UBE2U: variants seen among roughly 807,000 people sequenced by gnomAD.
UBE2U encodes the protein ubiquitin conjugating enzyme E2 U.
UBE2U carries 39 observed loss-of-function variants against 41.2 expected under a neutral mutation model. The ratio of observed to expected loss-of-function variants is 0.95; its 90% CI spans 0.73 to 1.24. The LOEUF (loss-of-function observed/expected upper bound fraction) is 1.24. UBE2U is among the 50% of genes most tolerant of loss of function. UBE2U has a pLI of 0.00. For synonymous variants in UBE2U, 107 were observed against 117.8 expected, an observed-to-expected ratio of 0.91 and a Z score of 0.60; for missense variants, 336 against 363.1, an observed-to-expected ratio of 0.93 and a Z score of 0.61.
At chr1:64,233,207 G>C (rs945726382) in intron 7 of UBE2U, among the ~76,000 whole-genome samples, 5 of 151,858 alleles carry the variant, frequency 3.3e-5, no homozygotes, top group Non-Finnish European at 7.4e-5. Flanking sequence ...CGGGGTTTCA[G>C]TGTGTTAGCC....
At position 64,226,905 on chromosome 1, in the gene UBE2U, G is replaced by A. The variant is rs547966215; in HGVS notation, c.507-5656G>A. On this transcript the variant is annotated intron_variant, in intron 6 of 9. Coordinates refer to ENST00000371077, the MANE Select transcript of UBE2U (RefSeq NM_001366232.2). ...CATAAACTCTAATCAAAATATTACCGAATTGAATCCACATTGGGATAACAA... is the reference window on the plus strand; with the variant it reads ...CATAAACTCTAATCAAAATATTACCAAATTGAATCCACATTGGGATAACAA... 3.9e-5 allele frequency among the ~76,000 whole-genome samples: 6 copies of A among 152,116 alleles called. 1 individual carries two copies. Among genetic ancestry groups the A allele is most frequent in the African/African-American group, 1.2e-4 (5 of 41,506 alleles).
intron 7 of UBE2U, among the ~76,000 whole-genome samples, chr1:64,240,373 A>T (rs936700953): frequency 1.3e-5 from 2 of 152,224 alleles, no homozygotes; most frequent in Non-Finnish European, 2.9e-5. Flanking sequence ...GTGAGCTATT[A>T]GAGGGCTCTC....
chr1:64,260,196 G>A (rs1418504903), intron 8 of UBE2U, among the ~76,000 whole-genome samples: 1 of 152,104 alleles, frequency 6.6e-6, no homozygotes, highest in Non-Finnish European at 1.5e-5. Context: ...AGGCCCTGCT[G>A]CCACCTTGAT....
Position 64,240,306 on chromosome 1 carries a change from G to T in UBE2U, c.596-1346G>T, listed in dbSNP as rs185138875. On this transcript the variant is annotated intron_variant, in intron 7 of 9. Transcript: ENST00000371077. ...GTTTATCACCAGGGCATTAAGGATG[G>T]TTAAGTTTCTAGAAAATCATATCCT... Among the ~76,000 whole-genome samples, 32 of 152,262 alleles carry T rather than the reference G, an allele frequency of 2.1e-4. No homozygotes were observed. In the East Asian group the frequency reaches 5.4e-3, roughly 26 times the overall value.
chr1:64,262,467 T>C (rs1645192855), intron 9 of UBE2U, among the ~76,000 whole-genome samples: 1 of 152,126 alleles, frequency 6.6e-6, no homozygotes, highest in South Asian at 2.1e-4. Context: ...GGGGGAGGAA[T>C]CTGCTTCCCA....
chr1:64,226,622 A>G lies in UBE2U; in HGVS notation c.506+5715A>G, dbSNP rs188287957. 3.0e-3 allele frequency among the ~76,000 whole-genome samples: 456 copies of G among 152,318 alleles called. 2 individuals are homozygous for G. The highest frequency in any genetic ancestry group is 5.3e-3 in the Non-Finnish European group (358 of 68,024). On this transcript the variant is annotated intron_variant, in intron 6 of 9. Transcript: ENST00000371077. Reference sequence around the variant, plus strand: ...CAAGGTGGAAGGATTGCTTGAGCCCAGGATTTCAAGACCAGCCTGGGCAAT... The same window carrying G: ...CAAGGTGGAAGGATTGCTTGAGCCCGGGATTTCAAGACCAGCCTGGGCAAT...
chr1:64,239,922 C>G (rs1644806476), intron 7 of UBE2U, among the ~76,000 whole-genome samples: 1 of 152,118 alleles, frequency 6.6e-6, no homozygotes, highest in Non-Finnish European at 1.5e-5. Flanking sequence ...ATTTCTAGTT[C>G]TAGACCCTTG....
chr1:64,264,210 A>G (rs1219821215), intron 9 of UBE2U, among the ~76,000 whole-genome samples: 1 of 152,242 alleles, frequency 6.6e-6, no homozygotes, highest in Non-Finnish European at 1.5e-5. Context: ...TAATATCTTT[A>G]TTAGCTAAAC....
chr1:64,229,561 AG>A (rs1011668244), intron 6 of UBE2U, among the ~76,000 whole-genome samples: 4 of 151,958 alleles, frequency 2.6e-5, no homozygotes, highest in Admixed American at 2.6e-4. Context: ...GAAGTGCCGG[AG>A]GGTTTTAACC....
chr1:64,237,704 G>A (rs1644695834), intron 7 of UBE2U, among the ~76,000 whole-genome samples: 1 of 152,126 alleles, frequency 6.6e-6, no homozygotes, highest in South Asian at 2.1e-4. Flanking sequence ...GATAAAATAT[G>A]AGATGTGTTA....
At chr1:64,216,423 G>A (rs1270320357) in intron 5 of UBE2U, among the ~76,000 whole-genome samples, 2 of 152,178 alleles carry the variant, frequency 1.3e-5, no homozygotes, top group Non-Finnish European at 2.9e-5. Context: ...AAAGATAAAG[G>A]GCAGTTGTAA....
intron 8 of UBE2U, among the ~76,000 whole-genome samples, chr1:64,250,933 G>A (rs1466054915): frequency 7.4e-6 from 1 of 135,658 alleles, no homozygotes; most frequent in African/African-American, 2.7e-5. Flanking sequence ...GGAGGGGGGA[G>A]GTATAGCATT....
At chr1:64,228,250 C>T (rs1304435407) in intron 6 of UBE2U, among the ~76,000 whole-genome samples, 1 of 152,184 alleles carries the variant, frequency 6.6e-6, no homozygotes, top group Non-Finnish European at 1.5e-5. Flanking sequence ...GGTCAGACAG[C>T]CCTGAACCCA....
intron 9 of UBE2U, among the ~76,000 whole-genome samples, chr1:64,265,272 T>C (rs1645238914): frequency 1.3e-5 from 2 of 152,172 alleles, no homozygotes; most frequent in African/African-American, 4.8e-5. Flanking sequence ...GCTTTTCTCT[T>C]ATGTGAGATA....
Position 64,248,830 on chromosome 1 carries a change from T to C in UBE2U, c.677+7097T>C, listed in dbSNP as rs1046391156. Among the ~76,000 whole-genome samples the C allele has an allele frequency of 2.6e-5, 4 of 152,262 alleles. No homozygotes were observed. The East Asian group carries it at 5.8e-4, about 22-fold the overall frequency. ...GGAAAATAAAATCCTAACGGTTTTT[T>C]TAAACTTACACAAGCCTCACAAAGA... On this transcript the variant is annotated intron_variant, in intron 8 of 9. Coordinates refer to ENST00000371077, the MANE Select transcript of UBE2U (RefSeq NM_001366232.2).
rs778931038 is a variant in UBE2U at position 64,214,841 on chromosome 1, G to T, written c.366G>T (p.Glu122Asp). ...LQVMLSNPVL[E>D]NPVNLEAARI... ...TTATGCTTTCTAATCCAGTGCTAGA[G>T]AATCCAGTGAATTTGGAAGCAGCCA... Residue 122 changes from glutamate to aspartate, a missense_variant, in exon 5 of 10, where the codon GAG becomes GAT. Glu to Asp is a conservative substitution (Grantham distance 45, BLOSUM62 2). Transcript: ENST00000371077. The T allele has an allele frequency of 3.7e-6, 6 of 1,614,070 alleles. No individual in the cohort carries two copies. In the South Asian group the frequency reaches 6.6e-5, roughly 18 times the overall value.
intron 6 of UBE2U, among the ~76,000 whole-genome samples, chr1:64,225,575 A>G (rs1386326177): frequency 2.6e-5 from 4 of 152,248 alleles, no homozygotes; most frequent in Admixed American, 1.3e-4. Flanking sequence ...GAAGGATCTA[A>G]GGTGGAAGCA....
At chr1:64,209,550 G>A (rs911949838) in intron 3 of UBE2U, among the ~76,000 whole-genome samples, 2 of 152,084 alleles carry the variant, frequency 1.3e-5, no homozygotes, top group Admixed American at 6.6e-5. Flanking sequence ...CATCAAGTGC[G>A]TTCTCCATTT....
At chr1:64,227,888 A>G (rs931934371) in intron 6 of UBE2U, among the ~76,000 whole-genome samples, 13 of 152,188 alleles carry the variant, frequency 8.5e-5, no homozygotes, top group Non-Finnish European at 1.5e-5. Context: ...TATACTGAAA[A>G]CCACAAATAT....
Sources: gnomAD v4.1 joint callset for allele counts (sites outside exome capture counted in the v4.1 genomes callset) on GRCh38, gnomAD v4.1.1 for gene constraint, MANE v1.5 for transcripts, NCBI Gene and HGNC (gene_info 2026-07-23, HGNC 2026-07-21) for gene names.